Variants in NUS1 observed in about 807,000 individuals in gnomAD.
NUS1 encodes the protein NUS1 dehydrodolichyl diphosphate synthase subunit.
For missense variants in NUS1, 292 were observed against 382.9 expected (o/e 0.76, Z 1.98); for synonymous variants, 135 against 155.2 (o/e 0.87, Z 0.97).
chr6:117,706,452 C>T (rs1316641174), intron 4 of NUS1, among the ~76,000 whole-genome samples: 2 of 152,174 alleles, frequency 1.3e-5, no homozygotes, highest in African/African-American at 4.8e-5. Context: ...TTGCATTAAT[C>T]TGAGCTTACG....
At chr6:117,689,539 A>AT (rs144236554) in intron 1 of NUS1, among the ~76,000 whole-genome samples, 7,031 of 149,862 alleles carry the variant, frequency 0.047, 585 homozygotes, top group African/African-American at 0.16. Flanking sequence ...GAGATTTTAC[A>AT]TTTTTTTTTG....
chr6:117,709,136 A>C lies in NUS1; in HGVS notation c.*2121A>C, dbSNP rs1221666856. The C allele has an allele frequency of 6.6e-6, 1 of 152,166 alleles. No individual in the cohort carries two copies. The highest frequency in any genetic ancestry group is 1.5e-5 in the Non-Finnish European group (1 of 67,992). 9.4% of individuals were successfully genotyped at this position (152,166 alleles called of 1,614,324 possible). ...TCTTTATGAGTTCACCTGCTAGTAC[A>C]ATCTCCACAACTTGAATGGCATTGG... On this transcript the variant is annotated 3_prime_UTR_variant, in exon 5 of 5. Transcript: ENST00000368494.
chr6:117,707,030 A>C lies in NUS1; in HGVS notation c.*15A>C, dbSNP rs2355152. 4 of 1,609,302 alleles carry C rather than the reference A, an allele frequency of 2.5e-6. No individual in the cohort carries two copies. The East Asian group carries it at 6.7e-5, about 27-fold the overall frequency. ...TGGGAAAGTAGTGGTCATTGGTTGC[A>C]TAATTTGATTTGAGGCTTGTGGAGG... On this transcript the variant is annotated 3_prime_UTR_variant, in exon 5 of 5. Transcript: ENST00000368494.
intron 2 of NUS1, 99 bp downstream of exon 2, chr6:117,693,266 C>G (rs1401542304): frequency 1.7e-6 from 2 of 1,192,002 alleles, no homozygotes; most frequent in South Asian, 2.7e-5. Flanking sequence ...ATTCACGTTG[C>G]TCTGTTACTC....
chr6:117,696,697 G>A (rs184202782), intron 3 of NUS1, among the ~76,000 whole-genome samples: 50 of 152,180 alleles, frequency 3.3e-4, no homozygotes, highest in Non-Finnish European at 5.0e-4. Flanking sequence ...CAAACACGAA[G>A]AAGAAATAGA....
chr6:117,697,679 GAA>G (rs143896466), intron 3 of NUS1, among the ~76,000 whole-genome samples: 4,720 of 151,892 alleles, frequency 0.031, 68 homozygotes, highest in South Asian at 0.066. Context: ...TAGAGCTAAA[GAA>G]AGAGAGAGAG....
intron 3 of NUS1, among the ~76,000 whole-genome samples, chr6:117,701,245 CTTTTTTT>C (rs1181868381): frequency 8.3e-6 from 1 of 120,672 alleles, no homozygotes; most frequent in Non-Finnish European, 1.8e-5. Flanking sequence ...TTCTAATTTT[CTTTTTTT>C]TTTTTTTTTT....
At chr6:117,677,312 G>A (rs1772998771) in intron 1 of NUS1, among the ~76,000 whole-genome samples, 1 of 152,186 alleles carries the variant, frequency 6.6e-6, no homozygotes, top group Non-Finnish European at 1.5e-5. Context: ...GTGAATGAAG[G>A]AACTTGAGAA....
chr6:117,697,902 T>C (rs539419301), intron 3 of NUS1, among the ~76,000 whole-genome samples: 1 of 152,200 alleles, frequency 6.6e-6, no homozygotes, highest in Admixed American at 6.5e-5. Flanking sequence ...AGAGACCATA[T>C]GTTGGGCCAC....
intron 1 of NUS1, among the ~76,000 whole-genome samples, chr6:117,681,933 A>G (rs1773067849): frequency 2.0e-5 from 3 of 152,118 alleles, no homozygotes; most frequent in Admixed American, 2.0e-4. Flanking sequence ...CCGGGGTTCA[A>G]GCTATTCTCC....
rs1332204596 is a variant in NUS1 at position 117,675,519 on chromosome 6, C to T, written c.-152C>T. ...GGGAGGAGGAAGATGGCGGCGGGGGCGAGGTGAGGTGTTGGCAGTGGAAAG... is the reference window on the plus strand; with the variant it reads ...GGGAGGAGGAAGATGGCGGCGGGGGTGAGGTGAGGTGTTGGCAGTGGAAAG... On this transcript the variant is annotated 5_prime_UTR_variant, in exon 1 of 5. Transcript: ENST00000368494. The T allele has an allele frequency of 2.2e-5, 15 of 688,904 alleles. No individual in the cohort carries two copies. Among genetic ancestry groups the T allele is most frequent in the Admixed American group, 2.9e-5 (1 of 34,548 alleles). 42.7% of individuals were successfully genotyped at this position (688,904 alleles called of 1,614,324 possible).
Position 117,708,079 on chromosome 6 carries a change from A to G in NUS1, c.*1064A>G, listed in dbSNP as rs1773526033. 6.6e-6 allele frequency: 1 copy of G among 152,194 alleles called. No individual in the cohort carries two copies. Among genetic ancestry groups the G allele is most frequent in the Non-Finnish European group, 1.5e-5 (1 of 68,014 alleles). 9.4% of individuals were successfully genotyped at this position (152,194 alleles called of 1,614,324 possible). The stretch of plus-strand genomic sequence containing the variant: ...CTTTGGAATAGCACATTTTAGGGGC[A>G]TGGTTAATACCTGAGATTTTTACTC... On this transcript the variant is annotated 3_prime_UTR_variant, in exon 5 of 5. Coordinates refer to ENST00000368494, the MANE Select transcript of NUS1 (RefSeq NM_138459.5).
chr6:117,704,321 A>T (rs551428355), intron 4 of NUS1, among the ~76,000 whole-genome samples: 1 of 152,230 alleles, frequency 6.6e-6, no homozygotes, highest in Non-Finnish European at 1.5e-5. Context: ...GGCCATAACT[A>T]TAATTTAAGG....
intron 2 of NUS1, among the ~76,000 whole-genome samples, chr6:117,693,826 A>T (rs62431964): frequency 6.6e-6 from 1 of 152,166 alleles, no homozygotes; most frequent in South Asian, 2.1e-4. Flanking sequence ...AAATATATAC[A>T]TGGATGTGAT....
chr6:117,687,889 G>A (rs897184048), intron 1 of NUS1, among the ~76,000 whole-genome samples: 1 of 152,004 alleles, frequency 6.6e-6, no homozygotes, highest in Admixed American at 6.6e-5. Flanking sequence ...AATAGAAGGG[G>A]GCAGGAACAC....
intron 1 of NUS1, among the ~76,000 whole-genome samples, chr6:117,683,908 T>TA (rs1773099145): frequency 1.3e-5 from 2 of 152,168 alleles, no homozygotes; most frequent in Non-Finnish European, 2.9e-5. Flanking sequence ...TCCCTTAATT[T>TA]AAAAAAAGTA....
intron 1 of NUS1, among the ~76,000 whole-genome samples, chr6:117,685,002 G>A (rs533175060): frequency 1.3e-5 from 2 of 152,176 alleles, no homozygotes; most frequent in Non-Finnish European, 2.9e-5. Flanking sequence ...ACAATGGTAA[G>A]GTTAGGGACA....
rs185389978 is a variant in NUS1, at chr6:117,703,721, G to A, written c.791+17G>A. The A allele has an allele frequency of 8.0e-5, 124 of 1,552,656 alleles. No homozygotes were observed. The highest frequency in any genetic ancestry group is 3.1e-4 in the East Asian group (14 of 44,554). On this transcript the variant is annotated intron_variant, in intron 4 of 4. Transcript: ENST00000368494. ...TGAGATTGTGTAAGTAATTAAAAGC[G>A]TACTGACTTTGTTTAGATTCAGCAA...
At chr6:117,700,457 C>CT (rs1302106185) in intron 3 of NUS1, among the ~76,000 whole-genome samples, 4 of 152,126 alleles carry the variant, frequency 2.6e-5, no homozygotes, top group South Asian at 2.1e-4. Context: ...TGTAAAATGG[C>CT]TTTTTTCTAA....
Sources: allele counts gnomAD v4.1 joint callset (sites outside exome capture counted in the v4.1 genomes callset), GRCh38; gene constraint gnomAD v4.1.1; transcripts MANE v1.5; gene names NCBI Gene and HGNC (gene_info 2026-07-23, HGNC 2026-07-21).